SPON1: variants seen among roughly 807,000 people sequenced by gnomAD.
SPON1 encodes spondin 1, also known as spondin-1.
SPON1 carries 52 observed loss-of-function variants against 111.7 expected under a neutral mutation model. That is an observed-to-expected ratio of 0.47 (90% CI 0.37 to 0.59). SPON1 has a LOEUF of 0.59. Among genes scored for constraint, SPON1 ranks in the 20% least tolerant of loss-of-function variants. The probability of loss-of-function intolerance (pLI) is 0.00; values close to 1 mark genes in which losing one functional copy is unlikely to be tolerated. For synonymous variants in SPON1, 410 were observed against 395.8 expected, an observed-to-expected ratio of 1.04 and a Z score of -0.43; for missense variants, 957 against 1,068.5, an observed-to-expected ratio of 0.90 and a Z score of 1.46.
At chr11:14,009,170 T>C (rs1234871350) in intron 2 of SPON1, among the ~76,000 whole-genome samples, 1 of 152,222 alleles carries the variant, frequency 6.6e-6, no homozygotes, top group Non-Finnish European at 1.5e-5. Context: ...AGAAACACAG[T>C]AGCTGTTCAA....
chr11:13,996,165 G>GTT (rs111458719), intron 2 of SPON1, among the ~76,000 whole-genome samples: 22 of 146,448 alleles, frequency 1.5e-4, no homozygotes, highest in African/African-American at 5.5e-4. Context: ...CCTAGTAAAA[G>GTT]TTTTTTTTTT....
intron 2 of SPON1, among the ~76,000 whole-genome samples, chr11:14,015,077 TC>T (rs782281425): frequency 7.2e-5 from 11 of 152,202 alleles, no homozygotes; most frequent in Non-Finnish European, 1.2e-4. Context: ...ACTTAACCTC[TC>T]CCCATTGAGG....
intron 5 of SPON1, among the ~76,000 whole-genome samples, chr11:14,123,689 C>T (rs1847422931): frequency 6.6e-6 from 1 of 152,134 alleles, no homozygotes; most frequent in African/African-American, 2.4e-5. Flanking sequence ...ATGCAGCTTC[C>T]TCCTCTCTGG....
chr11:13,992,722 G>A (rs879978526), intron 2 of SPON1, among the ~76,000 whole-genome samples: 4 of 152,118 alleles, frequency 2.6e-5, no homozygotes, highest in Non-Finnish European at 4.4e-5. Context: ...CTGGTTTGTG[G>A]GTTGTGAAAA....
rs1554921872 is a variant in SPON1, at chr11:14,079,926, A to G, written c.581A>G (p.Lys194Arg). The G allele has an allele frequency of 6.2e-7, 1 of 1,613,938 alleles. No individual in the cohort carries two copies. Residue 194 changes from lysine (K) to arginine (R), a missense_variant, in exon 5 of 16, where the codon AAA becomes AGA. By Grantham distance (26) the Lys-to-Arg change is conservative (BLOSUM62 2). This residue lies in a region of SPON1 where 262 missense variants were observed against 253.9 expected (regional missense o/e 1.03). Coordinates refer to ENST00000576479, the MANE Select transcript of SPON1 (RefSeq NM_006108.4). Reference protein sequence around the residue: ...QDSTFDGVTDKPILDCCACGT... With the variant: ...QDSTFDGVTDRPILDCCACGT... ...TCCACATTTGATGGGGTGACTGACA[A>G]ACCCATCTTAGACTGCTGTGCCTGC...
intron 2 of SPON1, among the ~76,000 whole-genome samples, chr11:14,008,715 C>T (rs140333935): frequency 1.2e-3 from 187 of 152,308 alleles, no homozygotes; most frequent in Non-Finnish European, 2.4e-3. Context: ...ATACCACTCT[C>T]TCCTGCTTCC....
At chr11:14,217,432 A>C (rs1277858458) in intron 6 of SPON1, among the ~76,000 whole-genome samples, 1 of 152,178 alleles carries the variant, frequency 6.6e-6, no homozygotes, top group Non-Finnish European at 1.5e-5. Context: ...GCTCTCTCAT[A>C]TATTTTTACA....
intron 1 of SPON1, among the ~76,000 whole-genome samples, chr11:13,965,734 G>A (rs1027001303): frequency 6.6e-6 from 1 of 152,162 alleles, no homozygotes; most frequent in Non-Finnish European, 1.5e-5. Flanking sequence ...CTCAAAGTCC[G>A]AAAGAAAAGG....
intron 6 of SPON1, among the ~76,000 whole-genome samples, chr11:14,177,025 C>T (rs782798104): frequency 2.0e-5 from 3 of 152,008 alleles, no homozygotes; most frequent in Non-Finnish European, 2.9e-5. Context: ...ATCTGGGGAG[C>T]AGAGTTTTTT....
intron 2 of SPON1, among the ~76,000 whole-genome samples, chr11:14,041,016 C>T (rs1478034029): frequency 6.6e-6 from 1 of 152,122 alleles, no homozygotes; most frequent in East Asian, 1.9e-4. Context: ...TTAGTAAATA[C>T]AATGCACAGA....
intron 6 of SPON1, among the ~76,000 whole-genome samples, chr11:14,182,645 C>T (rs993854634): frequency 1.3e-5 from 2 of 152,138 alleles, no homozygotes; most frequent in African/African-American, 2.4e-5. Flanking sequence ...GAGCTAAAAT[C>T]GAGTCCCCAT....
At chr11:14,035,375 C>T (rs1350944389) in intron 2 of SPON1, among the ~76,000 whole-genome samples, 1 of 152,060 alleles carries the variant, frequency 6.6e-6, no homozygotes, top group Non-Finnish European at 1.5e-5. Flanking sequence ...TTTAATAATG[C>T]TTATTTTTCA....
At chr11:14,047,437 G>C (rs1172142570) in intron 3 of SPON1, among the ~76,000 whole-genome samples, 1 of 152,152 alleles carries the variant, frequency 6.6e-6, no homozygotes, top group Non-Finnish European at 1.5e-5. Context: ...GGCACCCAGA[G>C]TATACCAGAC....
chr11:14,026,662 G>T (rs1848521102), intron 2 of SPON1, among the ~76,000 whole-genome samples: 1 of 152,232 alleles, frequency 6.6e-6, no homozygotes, highest in East Asian at 1.9e-4. Context: ...AAGCTTCAGG[G>T]TTAAGGAAAG....
intron 3 of SPON1, among the ~76,000 whole-genome samples, chr11:14,067,177 A>T (rs111829797): frequency 3.8e-4 from 32 of 84,386 alleles, no homozygotes; most frequent in African/African-American, 8.8e-4. Context: ...ACTCTGCCTC[A>T]AAAAAAACAA....
intron 6 of SPON1, among the ~76,000 whole-genome samples, chr11:14,169,454 T>C (rs1156524916): frequency 6.6e-6 from 1 of 152,050 alleles, no homozygotes; most frequent in Non-Finnish European, 1.5e-5. Context: ...AGGTTGCCTG[T>C]TCACTCTGAT....
At chr11:13,975,468 G>A (rs1848095635) in intron 1 of SPON1, among the ~76,000 whole-genome samples, 1 of 152,188 alleles carries the variant, frequency 6.6e-6, no homozygotes, top group African/African-American at 2.4e-5. Context: ...TAAAGATGCA[G>A]TGGAGTTCAA....
chr11:14,265,882 C>T lies in SPON1; in HGVS notation c.*195C>T, dbSNP rs782304772. ...ATGGGTACAGGCTGAGTGGGGCGCC[C>T]TCACCTCCAGCCAGCCTCTTCCTGC... On this transcript the variant is annotated 3_prime_UTR_variant, in exon 16 of 16. Transcript: ENST00000576479. The T allele has an allele frequency of 1.8e-6, 1 of 570,346 alleles. No individual in the cohort carries two copies. The highest frequency in any genetic ancestry group is 3.0e-6 in the Non-Finnish European group (1 of 335,558). The allele number at this position is 570,346 out of a possible 1,614,324, so 35.3% of individuals were successfully genotyped here. A position where few individuals can be genotyped will look rare whatever the true frequency, so the allele number is the denominator to read the frequency against.
At chr11:14,193,194 G>C (rs531329885) in intron 6 of SPON1, among the ~76,000 whole-genome samples, 28 of 152,286 alleles carry the variant, frequency 1.8e-4, no homozygotes, top group African/African-American at 6.3e-4. Flanking sequence ...TGGAGGAAAA[G>C]CAGTGTCAGC....
Sources: gnomAD v4.1 joint callset for allele counts (sites outside exome capture counted in the v4.1 genomes callset) on GRCh38, gnomAD v4.1.1 for gene constraint, gnomAD v4.1.1 regional missense constraint, MANE v1.5 for transcripts, NCBI Gene and HGNC (gene_info 2026-07-23, HGNC 2026-07-21) for gene names.